The following ATL2 variants were observed in gnomAD, a reference collection of about 807,000 sequenced individuals.
ATL2 encodes atlastin-2.
Under a neutral mutation model 73.9 loss-of-function variants are expected in ATL2, and 31 were observed. That is an observed-to-expected ratio of 0.42 (90% CI 0.32 to 0.57). The LOEUF (loss-of-function observed/expected upper bound fraction) is 0.57, where lower values mean the gene tolerates loss of function less well. Ranked by LOEUF, ATL2 falls within the 20% of genes least tolerant of loss-of-function variation. ATL2 has a pLI of 0.14. For missense variants in ATL2, 738 were observed against 702.6 expected, an observed-to-expected ratio of 1.05 and a Z score of -0.57; for synonymous variants, 291 against 237.5, an observed-to-expected ratio of 1.23 and a Z score of -2.07.
rs199698948 is a variant in ATL2 at position 38,377,196 on chromosome 2, C to T, written c.65G>A (p.Arg22Gln). The stretch of plus-strand genomic sequence containing the variant: ...AACCGCGGCGCTTGGGTCGCTGGTC[C>T]GTCGCCGGCGCCACAGCCCCTGGTG... ...QPHQGLWRRR[R>Q]TSDPSAAVNH... The change falls in exon 1 of 13, where the codon CGG (arginine) becomes CAG (glutamine). Residue 22 changes from arginine to glutamine, a missense_variant. Physicochemically the swap from Arg to Gln is conservative, Grantham distance 43. Transcript: ENST00000378954. 2.4e-5 allele frequency: 39 copies of T among 1,610,200 alleles called. 1 individual carries two copies. The East Asian group carries it at 7.8e-4, about 32-fold the overall frequency.
intron 1 of ATL2, among the ~76,000 whole-genome samples, chr2:38,367,811 T>C (rs2124487881): frequency 6.6e-6 from 1 of 151,426 alleles, no homozygotes; most frequent in African/African-American, 2.4e-5. Flanking sequence ...TTTTGTATTT[T>C]TAGTAGAGAT....
At chr2:38,361,283 G>A (rs1177313734) in intron 1 of ATL2, among the ~76,000 whole-genome samples, 1 of 151,068 alleles carries the variant, frequency 6.6e-6, no homozygotes, top group Non-Finnish European at 1.5e-5. Flanking sequence ...GAACCCGGGA[G>A]GTGGAGCCTG....
At chr2:38,316,413 G>C (rs1194658708) in intron 4 of ATL2, among the ~76,000 whole-genome samples, 1 of 152,284 alleles carries the variant, frequency 6.6e-6, no homozygotes, top group East Asian at 1.9e-4. Context: ...AACAGAGAAA[G>C]AGATTTATTT....
intron 1 of ATL2, chr2:38,376,342 A>G: frequency 1.0e-6 from 1 of 988,486 alleles, no homozygotes; most frequent in Non-Finnish European, 1.4e-6. Flanking sequence ...CACGTACAGT[A>G]GGAGCTCACA....
chr2:38,301,302 T>C (rs1667178384), intron 9 of ATL2, among the ~76,000 whole-genome samples: 1 of 152,168 alleles, frequency 6.6e-6, no homozygotes, highest in Non-Finnish European at 1.5e-5. Flanking sequence ...GATTCATTCA[T>C]AACTGGGAAG....
At chr2:38,354,618 G>C (rs563179176) in intron 1 of ATL2, among the ~76,000 whole-genome samples, 1 of 152,272 alleles carries the variant, frequency 6.6e-6, no homozygotes, top group South Asian at 2.1e-4. Flanking sequence ...GGCCAGGTGT[G>C]GTGGCTCACG....
intron 1 of ATL2, among the ~76,000 whole-genome samples, chr2:38,364,954 G>A (rs1671224738): frequency 6.6e-6 from 1 of 151,916 alleles, no homozygotes; most frequent in Admixed American, 6.6e-5. Context: ...TGAGGCAGGA[G>A]AATGGCGTGA....
intron 1 of ATL2, among the ~76,000 whole-genome samples, chr2:38,375,097 T>A (rs985998621): frequency 6.6e-6 from 1 of 152,246 alleles, no homozygotes; most frequent in African/African-American, 2.4e-5. Context: ...CTAAAGATCC[T>A]ACATTCCTAA....
At chr2:38,312,624 G>A (rs770297635) in intron 7 of ATL2, among the ~76,000 whole-genome samples, 8 of 150,960 alleles carry the variant, frequency 5.3e-5, no homozygotes, top group Non-Finnish European at 8.8e-5. Flanking sequence ...CAGGAGAATC[G>A]CTTGAACCCG....
intron 2 of ATL2, among the ~76,000 whole-genome samples, chr2:38,330,797 T>G (rs1668943626): frequency 6.6e-6 from 1 of 152,242 alleles, no homozygotes; most frequent in Non-Finnish European, 1.5e-5. Flanking sequence ...ACAGTAGTAT[T>G]TCCCAAATTG....
intron 3 of ATL2, 108 bp downstream of exon 3, chr2:38,318,777 G>T (rs1047540681): frequency 7.4e-7 from 1 of 1,356,746 alleles, no homozygotes; most frequent in Non-Finnish European, 1.0e-6. Flanking sequence ...ATAATAATCC[G>T]TATGTTAAAG....
chr2:38,305,732 C>T (rs1667415967), intron 9 of ATL2, among the ~76,000 whole-genome samples: 1 of 151,512 alleles, frequency 6.6e-6, no homozygotes, highest in Non-Finnish European at 1.5e-5. Context: ...ATTCTTGAAA[C>T]AAATGAAAAC....
chr2:38,333,042 G>C (rs1411022846), intron 2 of ATL2, among the ~76,000 whole-genome samples: 1 of 151,876 alleles, frequency 6.6e-6, no homozygotes, highest in African/African-American at 2.4e-5. Flanking sequence ...AAAAGAAAAA[G>C]AGAAAGAAAA....
chr2:38,331,671 CA>C (rs1422242452), intron 2 of ATL2, among the ~76,000 whole-genome samples: 1 of 149,378 alleles, frequency 6.7e-6, no homozygotes, highest in Non-Finnish European at 1.5e-5. Context: ...AACTGAGAGT[CA>C]AGAAATAAAT....
upstream of ATL2, chr2:38,377,300 C>A (rs749544499): frequency 2.7e-6 from 4 of 1,477,592 alleles, no homozygotes; most frequent in East Asian, 8.2e-5. Context: ...TGACGTCAAA[C>A]GCCGCCGCCG....
At chr2:38,299,461 C>A in intron 10 of ATL2, 134 bp from the exon 11 acceptor site, 1 of 886,010 alleles carries the variant, frequency 1.1e-6, no homozygotes, top group Non-Finnish European at 1.6e-6. Context: ...TTTTTCTTTC[C>A]TATGCAAGGG....
chr2:38,299,516 T>C (rs1347433121), intron 10 of ATL2, among the ~76,000 whole-genome samples, 189 bp from the exon 11 acceptor site: 1 of 152,202 alleles, frequency 6.6e-6, no homozygotes, highest in African/African-American at 2.4e-5. Context: ...CTAATAGGAC[T>C]GCCTGCCTGA....
At chr2:38,364,077 C>G (rs1001687740) in intron 1 of ATL2, among the ~76,000 whole-genome samples, 1 of 152,088 alleles carries the variant, frequency 6.6e-6, no homozygotes, top group Non-Finnish European at 1.5e-5. Flanking sequence ...GCCTGACCAA[C>G]ATGGTGAAAC....
chr2:38,364,904 C>T (rs1013215620), intron 1 of ATL2, among the ~76,000 whole-genome samples: 1 of 152,084 alleles, frequency 6.6e-6, no homozygotes, highest in Non-Finnish European at 1.5e-5. Flanking sequence ...ATTAGCCATG[C>T]GTGGTGGCAC....
Sources: gnomAD v4.1 joint callset for allele counts (sites outside exome capture counted in the v4.1 genomes callset) on GRCh38, gnomAD v4.1.1 for gene constraint, MANE v1.5 for transcripts, NCBI Gene and HGNC (gene_info 2026-07-23, HGNC 2026-07-21) for gene names.